Variants in DDX60 observed in about 807,000 individuals in gnomAD.
The protein encoded by DDX60 is DExD/H-box helicase 60.
DDX60 carries 165 observed loss-of-function variants against 212.8 expected under a neutral mutation model. The ratio of observed to expected loss-of-function variants is 0.78; its 90% confidence interval spans 0.68 to 0.88. The LOEUF is 0.88. Among genes scored for constraint, DDX60 ranks in the 40% least tolerant of loss-of-function variants. The probability of loss-of-function intolerance (pLI) is 0.00; values close to 1 mark genes in which losing one functional copy is unlikely to be tolerated. For synonymous variants in DDX60, 703 were observed against 685.3 expected (o/e 1.03, Z -0.40); for missense variants, 1,905 against 2,003.9 (o/e 0.95, Z 0.94).
intron 6 of DDX60, among the ~76,000 whole-genome samples, chr4:168,297,951 A>AT (rs1422836190): frequency 6.6e-6 from 1 of 151,146 alleles, no homozygotes; most frequent in Non-Finnish European, 1.5e-5. Flanking sequence ...TAAAATTAAT[A>AT]TTTTTAAAAT....
intron 32 of DDX60, among the ~76,000 whole-genome samples, chr4:168,236,822 G>T (rs1033722253): frequency 2.6e-5 from 4 of 151,418 alleles, no homozygotes; most frequent in South Asian, 2.1e-4. Flanking sequence ...AGCTATTTAG[G>T]TATACTATAC....
intron 28 of DDX60, among the ~76,000 whole-genome samples, chr4:168,250,706 A>T: frequency 5.3e-3 from 1 of 190 alleles, no homozygotes; most frequent in East Asian, 0.1. Flanking sequence ...TTGTATTTTT[A>T]GTAGAGGCAG....
At chr4:168,237,555 C>A in intron 31 of DDX60, 128 bp from the exon 32 acceptor site, 1 of 1,163,632 alleles carries the variant, frequency 8.6e-7, no homozygotes. Flanking sequence ...CTGGGCCCAA[C>A]TTTTATAATT....
chr4:168,224,999 A>AACACTATTTTAAG (rs1733198988), intron 34 of DDX60, among the ~76,000 whole-genome samples: 1 of 152,008 alleles, frequency 6.6e-6, no homozygotes, highest in Non-Finnish European at 1.5e-5. Flanking sequence ...CCATGTACAA[A>AACACTATTTTAAG]ACACTATTTT....
chr4:168,313,959 A>G (rs1252355778), intron 1 of DDX60, among the ~76,000 whole-genome samples: 1 of 152,196 alleles, frequency 6.6e-6, no homozygotes, highest in African/African-American at 2.4e-5. Flanking sequence ...TATGGTGACA[A>G]AATAAAACTG....
chr4:168,304,579 T>C (rs1736794941), intron 5 of DDX60, among the ~76,000 whole-genome samples: 1 of 151,978 alleles, frequency 6.6e-6, no homozygotes, highest in Non-Finnish European at 1.5e-5. Context: ...TGCGCACCTG[T>C]AATCCCAGCC....
chr4:168,246,017 T>A (rs996041981), intron 30 of DDX60, among the ~76,000 whole-genome samples: 14 of 152,190 alleles, frequency 9.2e-5, no homozygotes, highest in African/African-American at 3.4e-4. Flanking sequence ...TTTGAGTTAC[T>A]TTTTTTATGA....
intron 20 of DDX60, 136 bp downstream of exon 20, chr4:168,268,718 G>A (rs906918879): frequency 2.0e-6 from 1 of 511,286 alleles, no homozygotes; most frequent in Admixed American, 3.9e-5. Context: ...GAGAGATGCA[G>A]TTTCTTGAAG....
intron 10 of DDX60, among the ~76,000 whole-genome samples, chr4:168,285,743 G>A (rs906592929): frequency 3.3e-5 from 5 of 150,854 alleles, no homozygotes; most frequent in Admixed American, 6.6e-5. Context: ...TGGGTGGGTG[G>A]ATATGCATGG....
intron 34 of DDX60, among the ~76,000 whole-genome samples, chr4:168,225,218 C>T (rs1021874457): frequency 2.6e-5 from 4 of 151,982 alleles, no homozygotes; most frequent in Admixed American, 6.6e-5. Context: ...AAGCGTATTT[C>T]CTCTCAAGAG....
In DDX60 at chr4:168,306,528, G is replaced by T. The variant is rs1305881425; in HGVS notation, c.457C>A (p.Leu153Ile). 1.9e-6 allele frequency: 3 copies of T among 1,614,160 alleles called. No individual in the cohort carries two copies. Among genetic ancestry groups the T allele is most frequent in the Non-Finnish European group, 2.5e-6 (3 of 1,180,016 alleles). ...LIVADEGLND[L>I]QTQLFNFLII... ...AAAAAGTTGAAAAGCTGTGTTTGTAGATCGTTCAGGCCTTCGTCTGCAACT... is the reference window on the plus strand; with the variant it reads ...AAAAAGTTGAAAAGCTGTGTTTGTATATCGTTCAGGCCTTCGTCTGCAACT... Residue 153 changes from leucine to isoleucine, a missense_variant, in exon 5 of 38, where the codon CTA becomes ATA. Coordinates refer to ENST00000393743, the MANE Select transcript of DDX60 (RefSeq NM_017631.6).
chr4:168,308,396 A>G (rs1052178724), intron 3 of DDX60, among the ~76,000 whole-genome samples: 4 of 152,182 alleles, frequency 2.6e-5, no homozygotes, highest in African/African-American at 7.2e-5. Context: ...GATTATTCAC[A>G]TCTTAGGCTC....
chr4:168,235,099 A>G (rs761377239), intron 33 of DDX60, among the ~76,000 whole-genome samples: 4 of 152,104 alleles, frequency 2.6e-5, no homozygotes, highest in Admixed American at 1.3e-4. Flanking sequence ...AAGCCTACCT[A>G]TGAAGGCAGA....
chr4:168,222,554 T>C (rs778608313), intron 35 of DDX60, among the ~76,000 whole-genome samples: 3 of 152,066 alleles, frequency 2.0e-5, no homozygotes, highest in Non-Finnish European at 2.9e-5. Context: ...TATATGCAGA[T>C]CAGTGATGCA....
rs539058415 is a variant in DDX60, at chr4:168,220,746, T to C, written c.4977-29A>G. ...AAGAAAACAACATTTTGAAAATTAATAATACAAAACATTAAAGAACATCCT... is the reference window on the plus strand; with the variant it reads ...AAGAAAACAACATTTTGAAAATTAACAATACAAAACATTAAAGAACATCCT... On this transcript the variant is annotated intron_variant, in intron 36 of 37. Coordinates refer to ENST00000393743, the MANE Select transcript of DDX60 (RefSeq NM_017631.6). The C allele has an allele frequency of 6.0e-5, 72 of 1,190,964 alleles. No homozygotes were observed. The South Asian group carries it at 1.4e-3, about 22-fold the overall frequency. 73.8% of individuals were successfully genotyped at this position (1,190,964 alleles called of 1,614,324 possible). A position where few individuals can be genotyped will look rare whatever the true frequency, so the allele number is the denominator to read the frequency against.
intron 25 of DDX60, among the ~76,000 whole-genome samples, chr4:168,256,428 T>G (rs1734415847): frequency 6.6e-6 from 1 of 152,146 alleles, no homozygotes; most frequent in Non-Finnish European, 1.5e-5. Context: ...TTATACTTCT[T>G]GAAATGTAAA....
intron 26 of DDX60, among the ~76,000 whole-genome samples, chr4:168,254,470 G>A (rs1484326559): frequency 6.6e-6 from 1 of 152,014 alleles, no homozygotes; most frequent in Admixed American, 6.6e-5. Context: ...ACCTAAATCA[G>A]AAATGCTCTA....
At chr4:168,231,938 A>G (rs1204207934) in intron 33 of DDX60, among the ~76,000 whole-genome samples, 1 of 152,016 alleles carries the variant, frequency 6.6e-6, no homozygotes, top group Non-Finnish European at 1.5e-5. Flanking sequence ...CCATTTCCCA[A>G]TGATATGACT....
At chr4:168,265,944 G>A (rs77886814) in intron 22 of DDX60, among the ~76,000 whole-genome samples, 2,560 of 151,840 alleles carry the variant, frequency 0.017, 125 homozygotes, top group East Asian at 0.14. Context: ...TTATATGTGG[G>A]TTATCATCCA....
Sources: gnomAD v4.1 joint callset for allele counts (sites outside exome capture counted in the v4.1 genomes callset) on GRCh38, gnomAD v4.1.1 for gene constraint, MANE v1.5 for transcripts, NCBI Gene and HGNC (gene_info 2026-07-23, HGNC 2026-07-21) for gene names.